UBE2E1: variants seen among roughly 807,000 people sequenced by gnomAD.
UBE2E1 encodes the protein ubiquitin conjugating enzyme E2 E1.
UBE2E1 carries 6 observed loss-of-function variants against 21.4 expected under a neutral mutation model. The observed-to-expected ratio is 0.28, with a 90% CI of 0.15 to 0.55. The LOEUF (loss-of-function observed/expected upper bound fraction) is 0.55, where lower values mean the gene tolerates loss of function less well. Ranked by LOEUF, UBE2E1 falls within the 20% of genes least tolerant of loss-of-function variation. The pLI, the probability that UBE2E1 is intolerant of heterozygous loss-of-function variation, is 0.93. For synonymous variants in UBE2E1, 87 were observed against 82.7 expected (o/e 1.05, Z -0.28); for missense variants, 142 against 236.5 (o/e 0.60, Z 2.62).
At chr3:23,840,376 G>C (rs567525608) in intron 3 of UBE2E1, among the ~76,000 whole-genome samples, 94 of 152,150 alleles carry the variant, frequency 6.2e-4, no homozygotes, top group African/African-American at 2.1e-3. Flanking sequence ...TTGCCTTTTT[G>C]AGTGCTGCCT....
At chr3:23,841,141 A>T (rs1700076622) in intron 3 of UBE2E1, among the ~76,000 whole-genome samples, 1 of 152,182 alleles carries the variant, frequency 6.6e-6, no homozygotes, top group Non-Finnish European at 1.5e-5. Flanking sequence ...ATGCGGGTGA[A>T]CTGTTTGAAA....
chr3:23,879,269 A>G, intron 3 of UBE2E1: 1 of 856,684 alleles, frequency 1.2e-6, no homozygotes, highest in Non-Finnish European at 1.8e-6. Context: ...TGTCCTAAAC[A>G]CCTACATCCC....
At chr3:23,861,073 AAGAC>A in intron 3 of UBE2E1, among the ~76,000 whole-genome samples, 1 of 152,202 alleles carries the variant, frequency 6.6e-6, no homozygotes, top group East Asian at 1.9e-4. Flanking sequence ...AGGCCAGAAA[AAGAC>A]AGTTTGCATT....
chr3:23,855,275 AT>A (rs1435573817), intron 3 of UBE2E1, among the ~76,000 whole-genome samples: 1 of 152,070 alleles, frequency 6.6e-6, no homozygotes, highest in African/African-American at 2.4e-5. Context: ...TTATGTTTTA[AT>A]TTTTCAATTT....
intron 3 of UBE2E1, among the ~76,000 whole-genome samples, chr3:23,868,469 C>A (rs569131214): frequency 6.6e-6 from 1 of 151,880 alleles, no homozygotes; most frequent in South Asian, 2.1e-4. Flanking sequence ...CTAACACACC[C>A]GGCTAATTTT....
In UBE2E1 at chr3:23,863,875, C is replaced by T. The variant is rs1371605607; in HGVS notation, c.204-23692C>T. The stretch of plus-strand genomic sequence containing the variant: ...GAAATCTCTCCCCAGAGCCATCTGA[C>T]CTCTTCTGGTTTTAACAGGCTACCT... On this transcript the variant is annotated intron_variant, in intron 3 of 5. Transcript: ENST00000306627. The surrounding 1 kb of genome is among the most constrained non-coding windows in gnomAD (Gnocchi z 4.3). Among the ~76,000 whole-genome samples, 1 of 152,180 alleles carries T rather than the reference C, an allele frequency of 6.6e-6. No individual in the cohort carries two copies. The highest frequency in any genetic ancestry group is 1.5e-5 in the Non-Finnish European group (1 of 68,032).
In UBE2E1 at chr3:23,876,949, TGGAA is replaced by T. The variant is rs1342390723; in HGVS notation, c.204-10614_204-10611del. Among the ~76,000 whole-genome samples the T allele has an allele frequency of 6.6e-6, 1 of 152,176 alleles. No individual in the cohort carries two copies. Among genetic ancestry groups the T allele is most frequent in the African/African-American group, 2.4e-5 (1 of 41,434 alleles). ...ATCCTAGCAACTCAGGAGGCTGAGA[TGGAA>T]GGATCACTTGAGCCAGCTGTGATTG... On this transcript the variant is annotated intron_variant, in intron 3 of 5. Coordinates refer to ENST00000306627, the MANE Select transcript of UBE2E1 (RefSeq NM_003341.5). This position sits in a 1 kb window ranked among gnomAD's most constrained non-coding sequence, Gnocchi z 4.3.
At chr3:23,854,114 C>T (rs978485763) in intron 3 of UBE2E1, among the ~76,000 whole-genome samples, 3 of 151,798 alleles carry the variant, frequency 2.0e-5, no homozygotes, top group South Asian at 2.1e-4. Flanking sequence ...AAAAATTAAC[C>T]GATTGTGGTA....
At chr3:23,864,407 C>A (rs1209596049) in intron 3 of UBE2E1, among the ~76,000 whole-genome samples, 1 of 152,210 alleles carries the variant, frequency 6.6e-6, no homozygotes, top group East Asian at 1.9e-4. Context: ...ATCACTCTCA[C>A]TATTCAAATC....
rs1559482466 is a variant in UBE2E1, at chr3:23,842,246, TGTGG to T, written c.203+30737_203+30740del. On this transcript the variant is annotated intron_variant, in intron 3 of 5. Transcript: ENST00000306627. The surrounding 1 kb of genome is among the most constrained non-coding windows in gnomAD (Gnocchi z 4.6). ...GTGTGTGTGTGTGTGTGTGTGTGTG[TGTGG>T]TGTTGTTGTTGTTGGCGACAGGGTC... 0.021 allele frequency among the ~76,000 whole-genome samples: 771 copies of T among 36,694 alleles called. 8 individuals carry two copies. Among genetic ancestry groups the T allele is most frequent in the African/African-American group, 0.058 (735 of 12,698 alleles). 24.1% of individuals were successfully genotyped at this position (36,694 alleles called of 152,430 possible). A position where few individuals can be genotyped will look rare whatever the true frequency, so the allele number is the denominator to read the frequency against.
chr3:23,849,402 C>T (rs1463791730), intron 3 of UBE2E1, among the ~76,000 whole-genome samples: 1 of 152,106 alleles, frequency 6.6e-6, no homozygotes, highest in Non-Finnish European at 1.5e-5. Context: ...AGGTTTGTTA[C>T]ATAGGTATAC....
chr3:23,811,586 A>G (rs1032097394), intron 3 of UBE2E1, 76 bp downstream of exon 3: 6 of 1,400,978 alleles, frequency 4.3e-6, no homozygotes, highest in Non-Finnish European at 4.0e-6. Flanking sequence ...TTTATTATAT[A>G]CTTTTTCTTT....
intron 3 of UBE2E1, among the ~76,000 whole-genome samples, chr3:23,855,552 G>C (rs141496786): frequency 7.2e-5 from 11 of 152,174 alleles, no homozygotes; most frequent in Admixed American, 3.9e-4. Context: ...GCTTTAGGCC[G>C]GGCGCGGTGG....
intron 3 of UBE2E1, among the ~76,000 whole-genome samples, chr3:23,859,352 AATTTTCCTCC>A (rs1184964806): frequency 8.5e-5 from 13 of 152,276 alleles, no homozygotes; most frequent in Admixed American, 2.6e-4. Flanking sequence ...GAGGCATGGA[AATTTTCCTCC>A]ATCTCCAACA....
chr3:23,882,810 G>A (rs1318699214), intron 3 of UBE2E1, among the ~76,000 whole-genome samples: 1 of 152,224 alleles, frequency 6.6e-6, no homozygotes, highest in Non-Finnish European at 1.5e-5. Flanking sequence ...GGGGCCAGTG[G>A]CGCCGGCCGG....
chr3:23,859,338 G>T (rs1700503816), intron 3 of UBE2E1, among the ~76,000 whole-genome samples: 1 of 152,132 alleles, frequency 6.6e-6, no homozygotes, highest in South Asian at 2.1e-4. Flanking sequence ...CTTAAGGGAG[G>T]TATGAGGCAT....
intron 3 of UBE2E1, among the ~76,000 whole-genome samples, chr3:23,877,022 C>A (rs1267649473): frequency 6.6e-6 from 1 of 152,184 alleles, no homozygotes; most frequent in African/African-American, 2.4e-5. Flanking sequence ...GACACTGTCT[C>A]AAAGAAAGAA....
chr3:23,826,483 A>G (rs1699762379), intron 3 of UBE2E1, among the ~76,000 whole-genome samples: 1 of 152,204 alleles, frequency 6.6e-6, no homozygotes, highest in South Asian at 2.1e-4. Context: ...CTTCAGAGCA[A>G]CAACAGCAAA....
intron 3 of UBE2E1, among the ~76,000 whole-genome samples, chr3:23,874,865 G>T (rs1700882857): frequency 6.6e-6 from 1 of 152,092 alleles, no homozygotes; most frequent in Non-Finnish European, 1.5e-5. Context: ...CAGGCACTTG[G>T]CATTGAACTA....
Sources: gnomAD v4.1 joint callset for allele counts (sites outside exome capture counted in the v4.1 genomes callset) on GRCh38, gnomAD v4.1.1 for gene constraint, Gnocchi (gnomAD v3.1) non-coding constraint, MANE v1.5 for transcripts, NCBI Gene and HGNC (gene_info 2026-07-23, HGNC 2026-07-21) for gene names.